Variants in SOX5 observed in about 807,000 individuals in gnomAD.
The protein encoded by SOX5 is transcription factor SOX-5.
A neutral mutation model predicts 92.0 loss-of-function variants in SOX5; 9 were observed. The observed-to-expected ratio is 0.10, with a 90% CI of 0.06 to 0.17. The LOEUF is 0.17. SOX5 is among the 10% of genes least tolerant of loss of function. The pLI is 1.00. For synonymous variants in SOX5, 344 were observed against 336.3 expected, an observed-to-expected ratio of 1.02 and a Z score of -0.25; for missense variants, 642 against 944.5, an observed-to-expected ratio of 0.68 and a Z score of 4.20.
chr12:24,416,308 G>A (rs997377239), intron 1 of SOX5, among the ~76,000 whole-genome samples: 2 of 152,182 alleles, frequency 1.3e-5, no homozygotes, highest in African/African-American at 2.4e-5. Context: ...GAGAGATCTT[G>A]GACTAGCCCA....
chr12:23,760,182 A>G (rs1011307469), intron 3 of SOX5, among the ~76,000 whole-genome samples: 5 of 152,092 alleles, frequency 3.3e-5, no homozygotes, highest in African/African-American at 1.2e-4. Context: ...ATTTCCATTT[A>G]CAGAATGCTG....
At chr12:24,185,844 T>C (rs1594055250) in intron 4 of SOX5, among the ~76,000 whole-genome samples, 1 of 152,234 alleles carries the variant, frequency 6.6e-6, no homozygotes, top group East Asian at 1.9e-4. Context: ...CCACACAGGG[T>C]CTGCAACATG....
intron 8 of SOX5, among the ~76,000 whole-genome samples, chr12:23,617,485 T>C (rs1191301180): frequency 6.6e-6 from 1 of 152,186 alleles, no homozygotes; most frequent in Non-Finnish European, 1.5e-5. Flanking sequence ...ATATTAATAA[T>C]ACATAGACAA....
In SOX5 at chr12:23,585,473, T is replaced by C. The variant is rs111653783; in HGVS notation, c.1165-9635A>G. On this transcript the variant is annotated intron_variant, in intron 9 of 14. Transcript: ENST00000451604. Reference sequence around the variant, plus strand: ...CTTTTTTCATTCCATTCATTACAGATAGAGGAAAGGGGGCAGTCATTGAAG... The same window carrying C: ...CTTTTTTCATTCCATTCATTACAGACAGAGGAAAGGGGGCAGTCATTGAAG... 7.1e-3 allele frequency among the ~76,000 whole-genome samples: 1,075 copies of C among 152,118 alleles called. 9 individuals are homozygous for C. The highest frequency in any genetic ancestry group is 0.024 in the African/African-American group (985 of 41,492).
chr12:24,352,024 C>A (rs1196341790), intron 2 of SOX5, among the ~76,000 whole-genome samples: 1 of 152,156 alleles, frequency 6.6e-6, no homozygotes, highest in Non-Finnish European at 1.5e-5. Flanking sequence ...AAGAGAGCTG[C>A]CTATTGAAGG....
intron 4 of SOX5, among the ~76,000 whole-genome samples, chr12:23,999,868 A>C (rs993958395): frequency 3.3e-5 from 5 of 151,932 alleles, no homozygotes; most frequent in African/African-American, 4.8e-5. Context: ...CTTCCTTATA[A>C]TAAATACTAA....
At chr12:24,369,809 T>C (rs1490673128) in intron 1 of SOX5, among the ~76,000 whole-genome samples, 1 of 152,212 alleles carries the variant, frequency 6.6e-6, no homozygotes, top group Non-Finnish European at 1.5e-5. Context: ...ACACTAACAA[T>C]AGAGTTAGTT....
chr12:23,576,446 C>T (rs1009123941), intron 9 of SOX5, among the ~76,000 whole-genome samples: 1 of 152,180 alleles, frequency 6.6e-6, no homozygotes, highest in Non-Finnish European at 1.5e-5. Context: ...ATTAACATCA[C>T]CCTACTATGT....
chr12:23,945,413 G>A (rs1944411932), intron 1 of SOX5, among the ~76,000 whole-genome samples: 1 of 152,064 alleles, frequency 6.6e-6, no homozygotes, highest in Non-Finnish European at 1.5e-5. Flanking sequence ...GCTAAAAACT[G>A]AGCAGTACAC....
chr12:24,095,372 C>T (rs1945272928), intron 4 of SOX5, among the ~76,000 whole-genome samples: 1 of 151,970 alleles, frequency 6.6e-6, no homozygotes, highest in African/African-American at 2.4e-5. Context: ...CTTCCTTCCT[C>T]ATCCCATACA....
chr12:24,107,536 GAAAC>G (rs543307837), intron 4 of SOX5, among the ~76,000 whole-genome samples: 4 of 152,250 alleles, frequency 2.6e-5, no homozygotes, highest in Non-Finnish European at 4.4e-5. Context: ...AGGGCTTCTT[GAAAC>G]AAACAAACAA....
chr12:24,007,741 A>ATTTATATATATAAATGTATATAAATG (rs1569475765), intron 4 of SOX5, among the ~76,000 whole-genome samples: 10 of 3,718 alleles, frequency 2.7e-3, no homozygotes, highest in Admixed American at 0.012. Context: ...GTATATAAAT[A>ATTTATATATATAAATGTATATAAATG]TATTTATGTA....
At chr12:24,292,911 A>T (rs1473327794) in intron 2 of SOX5, among the ~76,000 whole-genome samples, 1 of 152,188 alleles carries the variant, frequency 6.6e-6, no homozygotes, top group Non-Finnish European at 1.5e-5. Flanking sequence ...CTCTGGCCCT[A>T]AAACCTGGTG....
At chr12:24,326,862 C>T (rs1288019384) in intron 2 of SOX5, among the ~76,000 whole-genome samples, 1 of 150,478 alleles carries the variant, frequency 6.6e-6, no homozygotes, top group African/African-American at 2.4e-5. Context: ...AACCTGTCTT[C>T]CTTTCTCCAT....
chr12:24,122,200 G>A (rs960972750), intron 4 of SOX5, among the ~76,000 whole-genome samples: 3 of 152,194 alleles, frequency 2.0e-5, no homozygotes, highest in Admixed American at 6.5e-5. Context: ...TTACGATCCC[G>A]AAGCATTTCT....
chr12:24,000,983 T>C (rs1247118586), intron 4 of SOX5, among the ~76,000 whole-genome samples: 1 of 152,214 alleles, frequency 6.6e-6, no homozygotes, highest in East Asian at 1.9e-4. Flanking sequence ...GAATACATAC[T>C]ATTTTCAAGA....
chr12:24,075,300 A>G (rs1942417491), intron 4 of SOX5, among the ~76,000 whole-genome samples: 1 of 149,470 alleles, frequency 6.7e-6, no homozygotes, highest in Non-Finnish European at 1.5e-5. Context: ...AAAAAAAAAA[A>G]AAAGTCAGTG....
intron 1 of SOX5, among the ~76,000 whole-genome samples, chr12:23,947,972 C>A (rs1021496178): frequency 4.6e-5 from 7 of 151,984 alleles, no homozygotes; most frequent in African/African-American, 1.4e-4. Context: ...AGAATATTAT[C>A]ATTTAAGTGC....
intron 7 of SOX5, among the ~76,000 whole-genome samples, chr12:23,655,475 T>C (rs941996925): frequency 2.6e-5 from 4 of 152,110 alleles, no homozygotes; most frequent in Admixed American, 6.6e-5. Flanking sequence ...TATTAGAGAG[T>C]AGGAATTTGG....
Sources: allele counts gnomAD v4.1 joint callset (sites outside exome capture counted in the v4.1 genomes callset), GRCh38; gene constraint gnomAD v4.1.1; transcripts MANE v1.5; gene names NCBI Gene and HGNC (gene_info 2026-07-23, HGNC 2026-07-21).